Variants in NUBPL observed in about 807,000 individuals in gnomAD.
NUBPL encodes iron-sulfur cluster transfer protein NUBPL.
Under a neutral mutation model 45.7 loss-of-function variants are expected in NUBPL, and 31 were observed. That is an observed-to-expected ratio of 0.68 (90% CI 0.51 to 0.92). The LOEUF (loss-of-function observed/expected upper bound fraction) is 0.92. Among genes scored for constraint, NUBPL ranks in the 40% least tolerant of loss-of-function variants. The pLI, the probability that NUBPL is intolerant of heterozygous loss-of-function variation, is 0.00. For missense variants in NUBPL, 401 were observed against 398.7 expected, an observed-to-expected ratio of 1.01 and a Z score of -0.05; for synonymous variants, 144 against 140.9, an observed-to-expected ratio of 1.02 and a Z score of -0.15.
chr14:31,762,530 G>C (rs1324372586), intron 6 of NUBPL, among the ~76,000 whole-genome samples: 1 of 152,074 alleles, frequency 6.6e-6, no homozygotes, highest in Non-Finnish European at 1.5e-5. Flanking sequence ...TATTGATCTT[G>C]GATGCTTCAT....
At chr14:31,577,496 C>T (rs1002775719) in intron 3 of NUBPL, among the ~76,000 whole-genome samples, 3 of 152,214 alleles carry the variant, frequency 2.0e-5, no homozygotes, top group Non-Finnish European at 2.9e-5. Context: ...TCACTGCAAC[C>T]TCCACCTGCC....
intron 8 of NUBPL, among the ~76,000 whole-genome samples, chr14:31,839,370 A>G (rs1486361977): frequency 6.6e-6 from 1 of 152,214 alleles, no homozygotes; most frequent in African/African-American, 2.4e-5. Context: ...GAGAAAGGAC[A>G]GTTGCTTCAA....
At chr14:31,805,061 C>G (rs2039659115) in intron 7 of NUBPL, among the ~76,000 whole-genome samples, 1 of 145,246 alleles carries the variant, frequency 6.9e-6, no homozygotes, top group Non-Finnish European at 1.5e-5. Flanking sequence ...TATCCAGCAT[C>G]TATTTACAAG....
At chr14:31,712,499 C>T (rs1358910459) in intron 6 of NUBPL, among the ~76,000 whole-genome samples, 2 of 152,230 alleles carry the variant, frequency 1.3e-5, no homozygotes, top group East Asian at 3.9e-4. Context: ...AGCCCTGGCT[C>T]CCACCCATGC....
chr14:31,834,203 A>T (rs1476727182), intron 8 of NUBPL, among the ~76,000 whole-genome samples: 1 of 55,880 alleles, frequency 1.8e-5, no homozygotes, highest in Admixed American at 1.9e-4. Flanking sequence ...TTTTTTTGAG[A>T]CAGAGTCTTG....
At chr14:31,635,118 C>T (rs1247223982) in intron 4 of NUBPL, among the ~76,000 whole-genome samples, 6 of 147,422 alleles carry the variant, frequency 4.1e-5, no homozygotes, top group Non-Finnish European at 9.0e-5. Context: ...TCAATTTTGC[C>T]TTTTGTTGCC....
chr14:31,667,461 T>C (rs986209672), intron 4 of NUBPL, among the ~76,000 whole-genome samples: 2 of 152,062 alleles, frequency 1.3e-5, no homozygotes, highest in South Asian at 2.1e-4. Flanking sequence ...TAACCTTTTA[T>C]CAAGGTTCTT....
chr14:31,738,097 A>T (rs1415145467), intron 6 of NUBPL, among the ~76,000 whole-genome samples: 3 of 152,180 alleles, frequency 2.0e-5, no homozygotes, highest in African/African-American at 7.2e-5. Context: ...AAACTTTTAA[A>T]ATAGTGGTTG....
intron 7 of NUBPL, 95 bp downstream of exon 7, chr14:31,787,968 C>A: frequency 1.3e-6 from 1 of 787,358 alleles, no homozygotes; most frequent in Non-Finnish European, 2.2e-6. Context: ...AATATTTTGC[C>A]TTAAAAATAT....
intron 7 of NUBPL, among the ~76,000 whole-genome samples, chr14:31,814,916 A>G (rs2039885060): frequency 1.3e-5 from 2 of 152,170 alleles, no homozygotes; most frequent in Admixed American, 6.5e-5. Flanking sequence ...TGGTACCAGT[A>G]TCATGCTGTT....
intron 7 of NUBPL, among the ~76,000 whole-genome samples, chr14:31,817,349 G>A (rs1273051230): frequency 6.6e-6 from 1 of 152,064 alleles, no homozygotes; most frequent in Non-Finnish European, 1.5e-5. Context: ...TACCCCTTGA[G>A]AAGAGCAACC....
chr14:31,639,546 TGAG>T (rs2035618608), intron 4 of NUBPL, among the ~76,000 whole-genome samples: 1 of 152,162 alleles, frequency 6.6e-6, no homozygotes, highest in African/African-American at 2.4e-5. Context: ...GGGACCCACT[TGAG>T]GAGGCAGTCT....
chr14:31,561,599 A>C, intron 1 of NUBPL, 52 bp downstream of exon 1: 1 of 1,182,086 alleles, frequency 8.5e-7, no homozygotes, highest in Non-Finnish European at 1.1e-6. Flanking sequence ...GCTGGGCTGC[A>C]GGGCCGCAGA....
chr14:31,643,128 A>C (rs1045213536), intron 4 of NUBPL, among the ~76,000 whole-genome samples: 1 of 152,014 alleles, frequency 6.6e-6, no homozygotes, highest in Non-Finnish European at 1.5e-5. Flanking sequence ...CTTCCTTTCC[A>C]ATTTGTATAT....
intron 6 of NUBPL, among the ~76,000 whole-genome samples, chr14:31,782,102 T>A (rs2039201486): frequency 6.6e-6 from 1 of 152,114 alleles, no homozygotes. Context: ...TTTTTCTTAT[T>A]AAAAACACAC....
chr14:31,753,721 T>G (rs1369992001), intron 6 of NUBPL, among the ~76,000 whole-genome samples: 1 of 152,164 alleles, frequency 6.6e-6, no homozygotes, highest in Non-Finnish European at 1.5e-5. Context: ...TAAAGGCAGC[T>G]TCCTATCCCG....
intron 6 of NUBPL, among the ~76,000 whole-genome samples, chr14:31,727,806 T>G (rs1183192372): frequency 6.6e-6 from 1 of 152,216 alleles, no homozygotes; most frequent in East Asian, 1.9e-4. Flanking sequence ...TGTATTATAT[T>G]TTAATTCAGT....
chr14:31,818,693 C>T (rs1229631615), intron 7 of NUBPL, among the ~76,000 whole-genome samples: 4 of 152,172 alleles, frequency 2.6e-5, no homozygotes, highest in Non-Finnish European at 5.9e-5. Context: ...GGACTACAGG[C>T]GCCGGCCACC....
At chr14:31,619,941 A>G (rs944284852) in intron 4 of NUBPL, among the ~76,000 whole-genome samples, 3 of 151,884 alleles carry the variant, frequency 2.0e-5, no homozygotes, top group African/African-American at 7.3e-5. Context: ...GATTTGGCCT[A>G]TTTACATAGT....
Sources: gnomAD v4.1 joint callset for allele counts (sites outside exome capture counted in the v4.1 genomes callset) on GRCh38, gnomAD v4.1.1 for gene constraint, MANE v1.5 for transcripts, NCBI Gene and HGNC (gene_info 2026-07-23, HGNC 2026-07-21) for gene names.